The following UNC5D variants were observed in gnomAD, a reference collection of about 807,000 sequenced individuals.
The protein encoded by UNC5D is netrin receptor UNC5D.
Under a neutral mutation model 105.4 loss-of-function variants are expected in UNC5D, and 39 were observed. The observed-to-expected ratio is 0.37, with a 90% CI of 0.29 to 0.48. UNC5D has a LOEUF of 0.48. Ranked by LOEUF, UNC5D falls within the 20% of genes least tolerant of loss-of-function variation. UNC5D has a pLI of 0.98. For missense variants in UNC5D, 991 were observed against 1,202.4 expected (o/e 0.82, Z 2.60); for synonymous variants, 452 against 450.4 (o/e 1.00, Z -0.04).
intron 1 of UNC5D, among the ~76,000 whole-genome samples, chr8:35,265,191 T>C (rs1209348144): frequency 1.5e-5 from 2 of 134,830 alleles, no homozygotes; most frequent in Non-Finnish European, 3.5e-5. Flanking sequence ...TTAGGTTATA[T>C]TAAGACTGTG....
intron 1 of UNC5D, among the ~76,000 whole-genome samples, chr8:35,457,593 G>T (rs1037233901): frequency 6.6e-6 from 1 of 152,138 alleles, no homozygotes; most frequent in Admixed American, 6.6e-5. Context: ...TTTGATGTGG[G>T]TGCTACCTGG....
At chr8:35,403,649 C>T (rs1441804146) in intron 1 of UNC5D, among the ~76,000 whole-genome samples, 3 of 152,196 alleles carry the variant, frequency 2.0e-5, no homozygotes, top group South Asian at 2.1e-4. Context: ...ATCATGTTGG[C>T]ACTGAACAAG....
intron 1 of UNC5D, among the ~76,000 whole-genome samples, chr8:35,403,974 T>C (rs1396939397): frequency 2.0e-5 from 3 of 152,164 alleles, no homozygotes; most frequent in African/African-American, 7.2e-5. Flanking sequence ...TCTGGTTTGC[T>C]GTGTGAGATG....
chr8:35,246,428 T>C (rs1803103259), intron 1 of UNC5D, among the ~76,000 whole-genome samples: 1 of 152,152 alleles, frequency 6.6e-6, no homozygotes, highest in Non-Finnish European at 1.5e-5. Flanking sequence ...TTTTGATTTC[T>C]CTTAAATCAG....
intron 2 of UNC5D, among the ~76,000 whole-genome samples, chr8:35,566,373 C>G (rs1281517153): frequency 6.6e-6 from 1 of 152,154 alleles, no homozygotes; most frequent in Non-Finnish European, 1.5e-5. Context: ...TGATCCACCT[C>G]CTCCATCGAG....
rs1327701395 is a variant in UNC5D at position 35,683,610 on chromosome 8, G to C, written c.634G>C (p.Ala212Pro). 2 of 1,581,250 alleles carry C rather than the reference G, an allele frequency of 1.3e-6. No individual in the cohort carries two copies. Among genetic ancestry groups the C allele is most frequent in the East Asian group, 2.3e-5 (1 of 42,748 alleles). Residue 212 changes from alanine (A) to proline (P), a missense_variant, in exon 5 of 17, where the codon GCT becomes CCT. By Grantham distance (27) the Ala-to-Pro change is conservative (BLOSUM62 -1). Around this residue, in one of 3 missense-constraint regions of UNC5D, gnomAD observed 944 missense variants for 1,131.6 expected, o/e 0.83. Coordinates refer to ENST00000404895, the MANE Select transcript of UNC5D (RefSeq NM_080872.4). ...SEQDENIDTR[A>P]DHNLIIRQAR... is the part of the protein sequence containing the mutation. Reference sequence around the variant, plus strand: ...ACAAGACGAGAACATTGACACCAGGGCTGACCATAACCTGATCATCAGGCA... The same window carrying C: ...ACAAGACGAGAACATTGACACCAGGCCTGACCATAACCTGATCATCAGGCA...
At chr8:35,720,837 CTG>C in intron 8 of UNC5D, among the ~76,000 whole-genome samples, 1 of 139,850 alleles carries the variant, frequency 7.2e-6, no homozygotes, top group South Asian at 2.3e-4. Flanking sequence ...CTTTCAGATG[CTG>C]TTTTTTTTTT....
intron 4 of UNC5D, among the ~76,000 whole-genome samples, chr8:35,613,227 A>T (rs1404086389): frequency 1.3e-5 from 2 of 152,196 alleles, no homozygotes; most frequent in East Asian, 3.9e-4. Context: ...ACTACGCGCC[A>T]TCATGCCCAG....
At chr8:35,593,445 C>A (rs2958248) in intron 3 of UNC5D, among the ~76,000 whole-genome samples, 15,519 of 151,406 alleles carry the variant, frequency 0.1, 836 homozygotes, top group African/African-American at 0.13. Flanking sequence ...AAAAGGAAAA[C>A]AAAAATAACA....
intron 1 of UNC5D, among the ~76,000 whole-genome samples, chr8:35,483,277 A>C (rs919705084): frequency 6.7e-6 from 1 of 150,080 alleles, no homozygotes; most frequent in African/African-American, 2.5e-5. Context: ...ATTCTGAAAA[A>C]CTCTTCCTTC....
chr8:35,358,804 AATTTATGTTTTGCT>A (rs1801699228), intron 1 of UNC5D, among the ~76,000 whole-genome samples: 1 of 152,136 alleles, frequency 6.6e-6, no homozygotes, highest in Admixed American at 6.5e-5. Flanking sequence ...CATTGACTGA[AATTTATGTTTTGCT>A]ATTTATAAAA....
At chr8:35,384,994 A>G (rs1803294472) in intron 1 of UNC5D, among the ~76,000 whole-genome samples, 1 of 152,174 alleles carries the variant, frequency 6.6e-6, no homozygotes, top group Admixed American at 6.5e-5. Context: ...GGTCCTTCAT[A>G]CCGTGTGTTG....
chr8:35,507,922 A>T (rs894950829), intron 1 of UNC5D, among the ~76,000 whole-genome samples: 24 of 152,046 alleles, frequency 1.6e-4, no homozygotes, highest in African/African-American at 3.9e-4. Flanking sequence ...TTATTTTTTT[A>T]AAAAAATTAA....
At chr8:35,471,430 AG>A (rs1294605142) in intron 1 of UNC5D, among the ~76,000 whole-genome samples, 1 of 152,196 alleles carries the variant, frequency 6.6e-6, no homozygotes, top group Non-Finnish European at 1.5e-5. Context: ...GCATTCAGTG[AG>A]GTTTTTTTAA....
chr8:35,494,734 C>T (rs1275746851), intron 1 of UNC5D, among the ~76,000 whole-genome samples: 6 of 152,178 alleles, frequency 3.9e-5, no homozygotes, highest in East Asian at 3.8e-4. Flanking sequence ...TTCTGACAGT[C>T]GCCATCTATA....
chr8:35,356,554 C>A (rs1801565115), intron 1 of UNC5D, among the ~76,000 whole-genome samples: 1 of 151,956 alleles, frequency 6.6e-6, no homozygotes, highest in African/African-American at 2.4e-5. Flanking sequence ...GCATGAATTT[C>A]TTTTTCCTTG....
chr8:35,772,796 G>A (rs1490990420), intron 15 of UNC5D, among the ~76,000 whole-genome samples: 1 of 57,964 alleles, frequency 1.7e-5, no homozygotes, highest in East Asian at 5.6e-4. Flanking sequence ...CTGGAGCTCA[G>A]AGTCCTTTTT....
chr8:35,236,011 C>G (rs1250800470), intron 1 of UNC5D, 124 bp downstream of exon 1: 1 of 867,748 alleles, frequency 1.2e-6, no homozygotes, highest in Non-Finnish European at 1.5e-6. Context: ...GCTCCAAGCC[C>G]AACCGGATGG....
chr8:35,723,372 G>A (rs1828684696), intron 9 of UNC5D, among the ~76,000 whole-genome samples: 1 of 151,998 alleles, frequency 6.6e-6, no homozygotes, highest in African/African-American at 2.4e-5. Flanking sequence ...CCCTACATTT[G>A]GACATATAGT....
Sources: allele counts gnomAD v4.1 joint callset (sites outside exome capture counted in the v4.1 genomes callset), GRCh38; gene constraint gnomAD v4.1.1; regional missense constraint gnomAD v4.1.1; transcripts MANE v1.5; gene names NCBI Gene and HGNC (gene_info 2026-07-23, HGNC 2026-07-21).